Variants in VCAN observed in about 807,000 individuals in gnomAD.
VCAN encodes versican.
In VCAN, 44 loss-of-function variants were observed where a neutral mutation model predicts 245.5. The ratio of observed to expected loss-of-function variants is 0.18; its 90% CI spans 0.14 to 0.23. The LOEUF (loss-of-function observed/expected upper bound fraction) is 0.23. Among genes scored for constraint, VCAN ranks in the 10% least tolerant of loss-of-function variants. VCAN has a pLI of 1.00. For missense variants in VCAN, 3,793 were observed against 4,057.9 expected (o/e 0.93, Z 1.77); for synonymous variants, 1,413 against 1,437.0 (o/e 0.98, Z 0.38).
chr5:83,579,968 G>A lies in VCAN; in HGVS notation c.9881-12G>A, dbSNP rs1380955970. On this transcript the variant is annotated splice_polypyrimidine_tract_variant and intron_variant, in intron 13 of 14. Coordinates refer to ENST00000265077, the MANE Select transcript of VCAN (RefSeq NM_004385.5). ...AGATTATTTGGAAATAACCCAATTTGCTTTCCTTTAGTCGCTTGCGGCCAG... is the reference window on the plus strand; with the variant it reads ...AGATTATTTGGAAATAACCCAATTTACTTTCCTTTAGTCGCTTGCGGCCAG... 1.9e-6 allele frequency: 3 copies of A among 1,613,832 alleles called. No individual in the cohort carries two copies. The East Asian group carries it at 6.7e-5, about 36-fold the overall frequency.
rs747252684 is a variant in VCAN, at chr5:83,521,947, T to G, written c.3641T>G (p.Val1214Gly). Residue 1214 changes from valine to glycine, a missense_variant, in exon 7 of 15, where the codon GTA becomes GGA. Val to Gly is a moderately radical substitution (Grantham distance 109, BLOSUM62 -3). This residue lies in a region of VCAN where 3,182 missense variants were observed against 3,250.3 expected (regional missense o/e 0.98). Transcript: ENST00000265077. ...PSDITTAFSS[V>G]DRLHTTSAFK... The stretch of plus-strand genomic sequence containing the variant: ...GATATTACCACTGCCTTCAGTTCAG[T>G]AGACAGACTTCACACAACTTCAGCA... 6.2e-6 allele frequency: 10 copies of G among 1,614,202 alleles called. No individual in the cohort carries two copies. The highest frequency in any genetic ancestry group is 8.5e-6 in the Non-Finnish European group (10 of 1,180,034).
chr5:83,535,666 A>G (rs1164399845), intron 7 of VCAN: 2 of 152,270 alleles, frequency 1.3e-5, no homozygotes, highest in South Asian at 4.1e-4. Flanking sequence ...AGAAGGAAAT[A>G]GCTTCTTGCA....
At chr5:83,492,228 T>G (rs757930976) in intron 3 of VCAN, among the ~76,000 whole-genome samples, 3 of 152,158 alleles carry the variant, frequency 2.0e-5, no homozygotes, top group Non-Finnish European at 2.9e-5. Context: ...ACAGAGATGA[T>G]CTAAGGATGA....
chr5:83,487,540 A>T (rs1447488449), intron 2 of VCAN, among the ~76,000 whole-genome samples: 3 of 152,212 alleles, frequency 2.0e-5, no homozygotes, highest in African/African-American at 7.2e-5. Flanking sequence ...TTTCTTTCTT[A>T]AAATATTTAG....
At chr5:83,568,122 A>G (rs1409582074) in intron 12 of VCAN, among the ~76,000 whole-genome samples, 1 of 136,042 alleles carries the variant, frequency 7.4e-6, no homozygotes, top group Non-Finnish European at 1.6e-5. Context: ...ACGTTATTGA[A>G]GCTAAAGTTA....
At chr5:83,551,061 C>A (rs1012375691) in intron 10 of VCAN, among the ~76,000 whole-genome samples, 1 of 151,604 alleles carries the variant, frequency 6.6e-6, no homozygotes, top group Non-Finnish European at 1.5e-5. Context: ...AACAGAAACC[C>A]CGCCTCTATT....
At chr5:83,497,142 C>G (rs979056370) in intron 5 of VCAN, among the ~76,000 whole-genome samples, 2 of 152,054 alleles carry the variant, frequency 1.3e-5, no homozygotes, top group Non-Finnish European at 2.9e-5. Context: ...GATCAGAAGC[C>G]ATATATTCCA....
At position 83,539,542 on chromosome 5, in the gene VCAN, T is replaced by G; in HGVS notation, c.6539T>G (p.Met2180Arg). 1 of 1,614,052 alleles carries G rather than the reference T, an allele frequency of 6.2e-7. No individual in the cohort carries two copies. ...MKEEDTSLVN[M>R]STPDPDANGL... is the part of the protein sequence containing the mutation. ...GAGGAAGACACTTCTTTAGTTAACA[T>G]GTCTACTCCAGATCCAGATGCAAAT... Residue 2180 changes from methionine to arginine, a missense_variant, in exon 8 of 15, where the codon ATG (methionine) becomes AGG (arginine). By Grantham distance (91) the Met-to-Arg change is moderately conservative. Transcript: ENST00000265077.
chr5:83,486,214 C>T (rs886769961), intron 2 of VCAN, among the ~76,000 whole-genome samples: 2 of 152,168 alleles, frequency 1.3e-5, no homozygotes, highest in African/African-American at 4.8e-5. Context: ...ATAATAACAT[C>T]TTCCATGCTC....
At chr5:83,522,681 A>G (rs1350232396) in intron 7 of VCAN, among the ~76,000 whole-genome samples, 1 of 152,200 alleles carries the variant, frequency 6.6e-6, no homozygotes, top group Non-Finnish European at 1.5e-5. Flanking sequence ...GTCTTTAACT[A>G]TTAACCTTCA....
intron 12 of VCAN, among the ~76,000 whole-genome samples, chr5:83,569,450 G>A (rs1368609782): frequency 6.6e-6 from 1 of 152,160 alleles, no homozygotes; most frequent in African/African-American, 2.4e-5. Context: ...GCCAAACATA[G>A]TTTCTGGCAC....
rs574728375 is a variant in VCAN, at chr5:83,498,820, G to T, written c.748+4889G>T. ...CCATCACTTTAAGAGTCCTTCAGGG[G>T]ATCTGTTTTACTACCATCAAAACAG... On this transcript the variant is annotated intron_variant, in intron 5 of 14. Transcript: ENST00000265077. Among the ~76,000 whole-genome samples, 40 of 152,248 alleles carry T rather than the reference G, an allele frequency of 2.6e-4. No homozygotes were observed. The South Asian group carries it at 8.1e-3, about 31-fold the overall frequency.
chr5:83,490,868 A>G (rs1412503569), intron 3 of VCAN, among the ~76,000 whole-genome samples: 1 of 152,210 alleles, frequency 6.6e-6, no homozygotes, highest in Non-Finnish European at 1.5e-5. Context: ...ACACACATAT[A>G]TACACATATA....
chr5:83,474,119 G>A (rs1388365215), intron 1 of VCAN, among the ~76,000 whole-genome samples: 1 of 152,108 alleles, frequency 6.6e-6, no homozygotes, highest in Non-Finnish European at 1.5e-5. Context: ...CTAGGGCCCC[G>A]CCCCAGGATA....
chr5:83,480,401 T>A (rs925664387), intron 1 of VCAN, among the ~76,000 whole-genome samples: 8 of 152,208 alleles, frequency 5.3e-5, no homozygotes, highest in Non-Finnish European at 8.8e-5. Context: ...TTGGTTTTTT[T>A]AAATGAGATT....
chr5:83,491,764 T>C (rs1036931539), intron 3 of VCAN, among the ~76,000 whole-genome samples: 1 of 152,204 alleles, frequency 6.6e-6, no homozygotes, highest in African/African-American at 2.4e-5. Flanking sequence ...CAGATACTTA[T>C]ACAGATTGAA....
chr5:83,482,760 A>C (rs553155862), intron 1 of VCAN, among the ~76,000 whole-genome samples: 1 of 152,334 alleles, frequency 6.6e-6, no homozygotes, highest in South Asian at 2.1e-4. Context: ...TCATGCAATA[A>C]ATTAAATGGC....
At chr5:83,578,065 A>G (rs1007043064) in intron 13 of VCAN, among the ~76,000 whole-genome samples, 2 of 152,182 alleles carry the variant, frequency 1.3e-5, no homozygotes, top group African/African-American at 2.4e-5. Flanking sequence ...GTCTTATTCC[A>G]TCTGATACTT....
rs1746926754 is a variant in VCAN, at chr5:83,540,451, C to T, written c.7448C>T (p.Pro2483Leu). Residue 2483 changes from proline to leucine, a missense_variant, in exon 8 of 15, where the codon CCA (proline) becomes CTA (leucine). Pro to Leu is a moderately conservative substitution (Grantham distance 98, BLOSUM62 -3). Coordinates refer to ENST00000265077, the MANE Select transcript of VCAN (RefSeq NM_004385.5). ...AAAGCTGTTACTGCTGATGGATTCC[C>T]AACAGTTTCAGTGATGCTGCCTCTT... ...SAKAVTADGF[P>L]TVSVMLPLHS... 6.2e-7 allele frequency: 1 copy of T among 1,613,794 alleles called. No homozygotes were observed. Among genetic ancestry groups the T allele is most frequent in the African/African-American group, 1.3e-5 (1 of 74,878 alleles).
Sources: gnomAD v4.1 joint callset for allele counts (sites outside exome capture counted in the v4.1 genomes callset) on GRCh38, gnomAD v4.1.1 for gene constraint, gnomAD v4.1.1 regional missense constraint, MANE v1.5 for transcripts, NCBI Gene and HGNC (gene_info 2026-07-23, HGNC 2026-07-21) for gene names.